Variants in TNNT2 observed in about 807,000 individuals in gnomAD.
TNNT2 encodes troponin T2, cardiac type.
Under a neutral mutation model 62.4 loss-of-function variants are expected in TNNT2, and 34 were observed. The observed-to-expected ratio is 0.54, with a 90% CI of 0.41 to 0.72. TNNT2 has a LOEUF of 0.72. Ranked by LOEUF, TNNT2 falls within the 30% of genes least tolerant of loss-of-function variation. The probability of loss-of-function intolerance (pLI) is 0.00; values close to 1 mark genes in which losing one functional copy is unlikely to be tolerated. For synonymous variants in TNNT2, 123 were observed against 127.2 expected, an observed-to-expected ratio of 0.97 and a Z score of 0.22; for missense variants, 275 against 381.9, an observed-to-expected ratio of 0.72 and a Z score of 2.33.
rs1319980077 is a variant in TNNT2, at chr1:201,372,239, C to G, written c.42-84G>C. The G allele has an allele frequency of 3.8e-6, 6 of 1,591,162 alleles. No homozygotes were observed. In the South Asian group the frequency reaches 5.5e-5, roughly 15 times the overall value. ...GCCTGCACACACATGCACACACTGG[C>G]CTTTCCCCAAAGATAATCCCCCTTT... On this transcript the variant is annotated intron_variant, in intron 2 of 16. Transcript: ENST00000656932.
intron 2 of TNNT2, 175 bp downstream of exon 2, chr1:201,373,039 A>G (rs748254008): frequency 1.6e-5 from 12 of 755,158 alleles, no homozygotes; most frequent in Non-Finnish European, 2.6e-5. Flanking sequence ...CCTGGGATCT[A>G]CAACCCAGGG....
At chr1:201,366,636 G>A in intron 8 of TNNT2, 3 of 1,469,246 alleles carry the variant, frequency 2.0e-6, no homozygotes, top group Non-Finnish European at 1.8e-6. Context: ...TGGTGATGGA[G>A]TGTTGGGTGG....
chr1:201,370,043 G>A (rs1433648366), intron 4 of TNNT2, among the ~76,000 whole-genome samples, 198 bp from the exon 5 acceptor site: 2 of 151,908 alleles, frequency 1.3e-5, no homozygotes, highest in Non-Finnish European at 2.9e-5. Flanking sequence ...TGAGCCTCAG[G>A]TGCCTCATCA....
chr1:201,369,041 A>G (rs905869060), intron 5 of TNNT2, among the ~76,000 whole-genome samples: 1 of 152,190 alleles, frequency 6.6e-6, no homozygotes, highest in Non-Finnish European at 1.5e-5. Context: ...GTGTGAAAGC[A>G]GAGGGCTAGC....
At chr1:201,362,531 G>T in intron 12 of TNNT2, 137 bp from the exon 13 acceptor site, 1 of 1,172,796 alleles carries the variant, frequency 8.5e-7, no homozygotes, top group Non-Finnish European at 1.2e-6. Context: ...AGTCAGCCGG[G>T]TTTACTAGGA....
At chr1:201,373,103 A>T in intron 2 of TNNT2, 111 bp downstream of exon 2, 1 of 1,108,164 alleles carries the variant, frequency 9.0e-7, no homozygotes, top group South Asian at 1.2e-5. Flanking sequence ...CCCAAAACAC[A>T]CACAGCTACT....
At chr1:201,363,183 C>G (rs889821181) in intron 12 of TNNT2, 113 bp downstream of exon 12, 22 of 1,599,300 alleles carry the variant, frequency 1.4e-5, no homozygotes, top group Middle Eastern at 3.9e-4. Context: ...CCACCCACAG[C>G]AGCTGGGAAT....
In TNNT2 at chr1:201,365,720, C is replaced by CT. The variant is rs747575477; in HGVS notation, c.234-51dup. ...ATCAGCCCCATTCTGGACCCAGGGA[C>CT]TGAGGGTGTCCAGGACAGGCAGGGC... is the stretch of plus-strand genomic sequence containing the variant. On this transcript the variant is annotated intron_variant, in intron 8 of 16. Coordinates refer to ENST00000656932, the MANE Select transcript of TNNT2 (RefSeq NM_001276345.2). 5 of 1,604,920 alleles carry CT rather than the reference C, an allele frequency of 3.1e-6. No homozygotes were observed. The African/African-American group carries it at 6.7e-5, about 21-fold the overall frequency.
Position 201,359,121 on chromosome 1 carries a change from G to A in TNNT2, c.*89C>T. On this transcript the variant is annotated 3_prime_UTR_variant, in exon 17 of 17. Coordinates refer to ENST00000656932, the MANE Select transcript of TNNT2 (RefSeq NM_001276345.2). ...CCCATTTCCAAACAGGAGCTGCCTGGGGTGCCCAGGAGGGCCCGGGAACTG... is the reference window on the plus strand; with the variant it reads ...CCCATTTCCAAACAGGAGCTGCCTGAGGTGCCCAGGAGGGCCCGGGAACTG... The A allele has an allele frequency of 6.6e-7, 1 of 1,524,618 alleles. No homozygotes were observed. Among genetic ancestry groups the A allele is most frequent in the Non-Finnish European group, 8.9e-7 (1 of 1,119,628 alleles). The allele number at this position is 1,524,618 out of a possible 1,614,324, so 94.4% of individuals were successfully genotyped here.
chr1:201,366,326 T>C, intron 8 of TNNT2: 8 of 1,020,112 alleles, frequency 7.8e-6, no homozygotes, highest in Non-Finnish European at 9.4e-6. Context: ...GCTGGCAGGG[T>C]TGGCATCATA....
At chr1:201,377,588 C>T in intron 1 of TNNT2, 35 bp downstream of exon 1, 1 of 456,294 alleles carries the variant, frequency 2.2e-6, no homozygotes, top group Non-Finnish European at 4.4e-6. Context: ...CCATTCTCTG[C>T]TCTCCTCTTC....
At chr1:201,361,675 G>T (rs142081092) in intron 14 of TNNT2, among the ~76,000 whole-genome samples, 1 of 152,270 alleles carries the variant, frequency 6.6e-6, no homozygotes, top group South Asian at 2.1e-4. Flanking sequence ...GTGTGCAGGT[G>T]GGTAGGTGAA....
At chr1:201,362,331 A>C in intron 13 of TNNT2, 55 bp downstream of exon 13, 5 of 1,608,700 alleles carry the variant, frequency 3.1e-6, no homozygotes, top group Non-Finnish European at 4.2e-6. Flanking sequence ...TTCCCCTCCC[A>C]GGGAGCTCTC....
chr1:201,364,155 A>T (rs1360278300), intron 11 of TNNT2, 143 bp downstream of exon 11: 19 of 886,104 alleles, frequency 2.1e-5, no homozygotes, highest in Non-Finnish European at 3.3e-5. Context: ...AAGTGCTGGG[A>T]TTACAGGCGT....
chr1:201,369,689 G>A (rs568171159), intron 5 of TNNT2, 127 bp downstream of exon 5: 9 of 1,147,432 alleles, frequency 7.8e-6, no homozygotes, highest in African/African-American at 6.1e-5. Context: ...GGGAGGAAAC[G>A]ACTGACCCAC....
At chr1:201,362,076 C>T (rs45593634) in intron 13 of TNNT2, 54 bp from the exon 14 acceptor site, 35 of 1,588,382 alleles carry the variant, frequency 2.2e-5, no homozygotes, top group Middle Eastern at 1.7e-4. Flanking sequence ...TCCCTGTCCC[C>T]TAACCCTCCC....
chr1:201,365,462 A>G, intron 9 of TNNT2, 148 bp downstream of exon 9: 1 of 1,182,264 alleles, frequency 8.5e-7, no homozygotes, highest in South Asian at 1.2e-5. Context: ...ACCCAGGACC[A>G]CGCTCATGGA....
intron 2 of TNNT2, among the ~76,000 whole-genome samples, chr1:201,372,721 C>T (rs1270964968): frequency 6.6e-6 from 1 of 152,210 alleles, no homozygotes. Flanking sequence ...TGACCACTAT[C>T]CTCTGTAGTT....
At chr1:201,366,389 G>T in intron 8 of TNNT2, 1 of 1,057,954 alleles carries the variant, frequency 9.5e-7, no homozygotes, top group Non-Finnish European at 1.1e-6. Context: ...ACCACCTTCA[G>T]GTGGGCTTCA....
Sources: gnomAD v4.1 joint callset for allele counts (sites outside exome capture counted in the v4.1 genomes callset) on GRCh38, gnomAD v4.1.1 for gene constraint, MANE v1.5 for transcripts, NCBI Gene and HGNC (gene_info 2026-07-23, HGNC 2026-07-21) for gene names.